Variants in OPRD1 observed in about 807,000 individuals in gnomAD.
OPRD1 encodes the protein delta-type opioid receptor.
Under a neutral mutation model 17.5 loss-of-function variants are expected in OPRD1, and 19 were observed. That is an observed-to-expected ratio of 1.09 (90% CI 0.76 to 1.60). The LOEUF is 1.60. Ranked by LOEUF, OPRD1 falls within the 40% of genes most tolerant of loss-of-function variation. OPRD1 has a pLI of 0.00. For synonymous variants in OPRD1, 256 were observed against 240.9 expected (o/e 1.06, Z -0.58); for missense variants, 483 against 547.2 (o/e 0.88, Z 1.17).
At chr1:28,816,168 C>T (rs1463910684) in intron 1 of OPRD1, among the ~76,000 whole-genome samples, 1 of 152,154 alleles carries the variant, frequency 6.6e-6, no homozygotes, top group Non-Finnish European at 1.5e-5. Context: ...AAGAAAAAAA[C>T]CACACCGTGC....
intron 1 of OPRD1, among the ~76,000 whole-genome samples, chr1:28,831,641 C>T (rs751299565): frequency 3.9e-5 from 6 of 152,194 alleles, no homozygotes; most frequent in Non-Finnish European, 7.3e-5. Context: ...ACTGCCCAGG[C>T]TCAAGTGATC....
intron 1 of OPRD1, among the ~76,000 whole-genome samples, chr1:28,832,152 C>T (rs1389588161): frequency 1.3e-5 from 2 of 152,156 alleles, no homozygotes; most frequent in African/African-American, 4.8e-5. Flanking sequence ...CTCTGATTTC[C>T]ACTGTGGAAA....
chr1:28,842,283 G>T (rs2088902636), intron 1 of OPRD1, among the ~76,000 whole-genome samples: 1 of 152,178 alleles, frequency 6.6e-6, no homozygotes, highest in Non-Finnish European at 1.5e-5. Flanking sequence ...ACCTGCCTTG[G>T]CACCCAAAAT....
At position 28,842,038 on chromosome 1, in the gene OPRD1, T is replaced by C. The variant is rs548194587; in HGVS notation, c.228-16916T>C. Among the ~76,000 whole-genome samples the C allele has an allele frequency of 1.6e-4, 25 of 151,664 alleles. No individual in the cohort carries two copies. The South Asian group carries it at 2.1e-3, about 13-fold the overall frequency. ...TGTGCCGGCCTTATTTTTATTTTTATTTTTATTTTGAGACAGGGTTTCACT... is the reference window on the plus strand; with the variant it reads ...TGTGCCGGCCTTATTTTTATTTTTACTTTTATTTTGAGACAGGGTTTCACT... On this transcript the variant is annotated intron_variant, in intron 1 of 2. Coordinates refer to ENST00000234961, the MANE Select transcript of OPRD1 (RefSeq NM_000911.4).
chr1:28,837,174 T>G (rs1488594496), intron 1 of OPRD1, among the ~76,000 whole-genome samples: 1 of 152,166 alleles, frequency 6.6e-6, no homozygotes, highest in Non-Finnish European at 1.5e-5. Flanking sequence ...CTAGATCCCT[T>G]GCATATGTAG....
chr1:28,815,595 T>G lies in OPRD1; in HGVS notation c.227+2985T>G, dbSNP rs551460450. Among the ~76,000 whole-genome samples the G allele has an allele frequency of 6.6e-4, 100 of 152,304 alleles. 2 individuals carry two copies. Among genetic ancestry groups the G allele is most frequent in the Non-Finnish European group, 1.3e-3 (91 of 68,018 alleles). The stretch of plus-strand genomic sequence containing the variant: ...GCAGGGCAGCTGCCTGGGTCTTGGC[T>G]TCTGCTGGAAACACCCCAAGGGCAG... On this transcript the variant is annotated intron_variant, in intron 1 of 2. Coordinates refer to ENST00000234961, the MANE Select transcript of OPRD1 (RefSeq NM_000911.4).
chr1:28,822,570 C>T (rs1182744034), intron 1 of OPRD1, among the ~76,000 whole-genome samples: 2 of 151,896 alleles, frequency 1.3e-5, no homozygotes, highest in Non-Finnish European at 2.9e-5. Context: ...AACCTCTGCT[C>T]CCCTGGGTTC....
chr1:28,862,406 G>C (rs1015319774), intron 2 of OPRD1, among the ~76,000 whole-genome samples: 1 of 152,154 alleles, frequency 6.6e-6, no homozygotes, highest in Non-Finnish European at 1.5e-5. Context: ...AATGGGTCAA[G>C]GTGCTTTGAG....
chr1:28,820,578 A>T (rs1458732416), intron 1 of OPRD1, among the ~76,000 whole-genome samples: 1 of 152,014 alleles, frequency 6.6e-6, no homozygotes, highest in Non-Finnish European at 1.5e-5. Context: ...TGTAATCCTA[A>T]CACTTCGGGA....
intron 1 of OPRD1, among the ~76,000 whole-genome samples, chr1:28,823,996 G>A (rs2088740313): frequency 6.6e-6 from 1 of 151,020 alleles, no homozygotes; most frequent in South Asian, 2.1e-4. Context: ...TGGCCAACAT[G>A]GTGAAACTTT....
chr1:28,862,252 G>A lies in OPRD1; in HGVS notation c.578-490G>A, dbSNP rs868416992. 6.6e-5 allele frequency among the ~76,000 whole-genome samples: 10 copies of A among 152,202 alleles called. 1 individual carries two copies. The Middle Eastern group carries it at 0.014, about 207-fold the overall frequency. On this transcript the variant is annotated intron_variant, in intron 2 of 2. Transcript: ENST00000234961. ...ATTTAATCCTTACGACAATCCTGGA[G>A]ATGTGGGTACTGTCATTAGCCCCAC... is the stretch of plus-strand genomic sequence containing the variant.
intron 1 of OPRD1, among the ~76,000 whole-genome samples, chr1:28,845,884 A>C (rs509577): frequency 0.48 from 73,049 of 152,150 alleles, 19,078 homozygotes; most frequent in East Asian, 0.95. Context: ...CTGGCTCCCT[A>C]CTGCCTTGTG....
Position 28,812,228 on chromosome 1 carries a change from G to A in OPRD1, c.-156G>A. On this transcript the variant is annotated 5_prime_UTR_variant, in exon 1 of 3. Transcript: ENST00000234961. ...CGGGGGCTGGGCCGGTGCGGGCGGC[G>A]AGGCAGGCGGACGAGGCGCAGAGAC... is the stretch of plus-strand genomic sequence containing the variant. 3.6e-6 allele frequency: 1 copy of A among 274,728 alleles called. No individual in the cohort carries two copies. The highest frequency in any genetic ancestry group is 5.9e-6 in the Non-Finnish European group (1 of 168,170). The allele number at this position is 274,728 out of a possible 1,614,324, so 17.0% of individuals were successfully genotyped here. A position where few individuals can be genotyped will look rare whatever the true frequency, so the allele number is the denominator to read the frequency against.
At chr1:28,852,164 TAAAAA>T (rs71030305) in intron 1 of OPRD1, among the ~76,000 whole-genome samples, 8 of 86,750 alleles carry the variant, frequency 9.2e-5, no homozygotes, top group African/African-American at 3.7e-4. Flanking sequence ...AAACTCCATG[TAAAAA>T]AAAAAAAAAA....
intron 1 of OPRD1, among the ~76,000 whole-genome samples, chr1:28,851,731 C>T (rs939531743): frequency 3.9e-5 from 6 of 151,964 alleles, no homozygotes; most frequent in East Asian, 1.9e-4. Context: ...ATTAGCCGGG[C>T]GTGGTGGCTC....
chr1:28,819,358 A>T (rs921083705), intron 1 of OPRD1, among the ~76,000 whole-genome samples: 1 of 151,708 alleles, frequency 6.6e-6, no homozygotes. Context: ...AGAGAGAACA[A>T]GCAGCAGCCC....
chr1:28,819,801 C>T (rs934989791), intron 1 of OPRD1, among the ~76,000 whole-genome samples: 4 of 151,994 alleles, frequency 2.6e-5, no homozygotes, highest in African/African-American at 9.7e-5. Context: ...GGTAGAGAAG[C>T]GAGGAATGGG....
intron 1 of OPRD1, among the ~76,000 whole-genome samples, chr1:28,844,483 G>A (rs1329226890): frequency 2.0e-5 from 3 of 151,954 alleles, no homozygotes; most frequent in Admixed American, 6.6e-5. Context: ...TAGAGATGGG[G>A]TTTTGCCATG....
At chr1:28,856,505 TC>T (rs1022973185) in intron 1 of OPRD1, among the ~76,000 whole-genome samples, 7 of 152,158 alleles carry the variant, frequency 4.6e-5, no homozygotes, top group Admixed American at 3.9e-4. Flanking sequence ...GCTCTGGAAT[TC>T]AAGGAGTCAC....
Sources: gnomAD v4.1 joint callset for allele counts (sites outside exome capture counted in the v4.1 genomes callset) on GRCh38, gnomAD v4.1.1 for gene constraint, MANE v1.5 for transcripts, NCBI Gene and HGNC (gene_info 2026-07-23, HGNC 2026-07-21) for gene names.